SLC8A2: variants seen among roughly 807,000 people sequenced by gnomAD.
SLC8A2 encodes the protein sodium/calcium exchanger 2.
SLC8A2 carries 14 observed loss-of-function variants against 70.2 expected under a neutral mutation model. That is an observed-to-expected ratio of 0.20 (90% CI 0.13 to 0.31). The LOEUF (loss-of-function observed/expected upper bound fraction) is 0.31, where lower values mean the gene tolerates loss of function less well. SLC8A2 is among the 10% of genes least tolerant of loss of function. The probability of loss-of-function intolerance (pLI) is 1.00; values close to 1 mark genes in which losing one functional copy is unlikely to be tolerated. For missense variants in SLC8A2, 779 were observed against 1,320.1 expected, an observed-to-expected ratio of 0.59 and a Z score of 6.35; for synonymous variants, 575 against 594.3, an observed-to-expected ratio of 0.97 and a Z score of 0.47.
rs922586407 is a variant in SLC8A2, at chr19:47,471,521, G to T, written c.-17+268C>A. Among the ~76,000 whole-genome samples, 51 of 151,848 alleles carry T rather than the reference G, an allele frequency of 3.4e-4. 1 individual carries two copies. Among genetic ancestry groups the T allele is most frequent in the African/African-American group, 1.2e-3 (49 of 41,386 alleles). The stretch of plus-strand genomic sequence containing the variant: ...GAGCGCGAGGGGGGGTGCCCCAGAC[G>T]GGGTGGGGGCGGGGTGTCCTCGCCC... On this transcript the variant is annotated intron_variant, in intron 1 of 9. Coordinates refer to ENST00000236877, the MANE Select transcript of SLC8A2 (RefSeq NM_015063.3).
At chr19:47,434,362 G>A (rs935596324) in intron 8 of SLC8A2, among the ~76,000 whole-genome samples, 1 of 152,176 alleles carries the variant, frequency 6.6e-6, no homozygotes, top group Admixed American at 6.5e-5. Context: ...AGGGAGGCTC[G>A]TGGTTATGCC....
At chr19:47,460,516 G>A (rs1967380796) in intron 2 of SLC8A2, among the ~76,000 whole-genome samples, 2 of 151,900 alleles carry the variant, frequency 1.3e-5, no homozygotes, top group Admixed American at 1.3e-4. Context: ...TGGCCAACAT[G>A]GTGAAACCCC....
intron 4 of SLC8A2, 106 bp from the exon 5 acceptor site, chr19:47,441,546 T>C (rs1324089726): frequency 3.1e-6 from 2 of 650,632 alleles, no homozygotes; most frequent in Non-Finnish European, 2.8e-6. Context: ...GCACCTCCTC[T>C]GTCCCAGACT....
At chr19:47,433,420 G>A (rs1286971834) in intron 8 of SLC8A2, among the ~76,000 whole-genome samples, 1 of 152,196 alleles carries the variant, frequency 6.6e-6, no homozygotes. Context: ...CCTTGCAGTT[G>A]GCAGTTGCCA....
chr19:47,469,588 C>A (rs1210946389), intron 1 of SLC8A2, among the ~76,000 whole-genome samples: 2 of 152,172 alleles, frequency 1.3e-5, no homozygotes, highest in African/African-American at 4.8e-5. Flanking sequence ...CCTGGTTTCT[C>A]GCTGGGGCCT....
In SLC8A2 at chr19:47,430,570, G is replaced by C. The variant is rs1966944662; in HGVS notation, c.2390-105C>G. 2 of 1,247,944 alleles carry C rather than the reference G, an allele frequency of 1.6e-6. No homozygotes were observed. The highest frequency in any genetic ancestry group is 2.2e-6 in the Non-Finnish European group (2 of 924,990). The allele number at this position is 1,247,944 out of a possible 1,614,324, so 77.3% of individuals were successfully genotyped here. On this transcript the variant is annotated intron_variant, in intron 9 of 9. Coordinates refer to ENST00000236877, the MANE Select transcript of SLC8A2 (RefSeq NM_015063.3). This position sits in a 1 kb window ranked among gnomAD's most constrained non-coding sequence, Gnocchi z 5.9. ...CCTTTCCCGGTCGCCTGCTTTCTGCGGGCAGTGTGGGCTCAAGACCCCTGA... is the reference window on the plus strand; with the variant it reads ...CCTTTCCCGGTCGCCTGCTTTCTGCCGGCAGTGTGGGCTCAAGACCCCTGA...
chr19:47,452,406 G>T (rs1325819414), intron 3 of SLC8A2, among the ~76,000 whole-genome samples: 2 of 53,740 alleles, frequency 3.7e-5, no homozygotes, highest in African/African-American at 1.4e-4. Context: ...TGGAGAGAGA[G>T]AGAGAGAGAG....
chr19:47,441,223 G>A (rs752644118), intron 5 of SLC8A2, 37 bp from the exon 6 acceptor site: 1 of 1,613,328 alleles, frequency 6.2e-7, no homozygotes, highest in Admixed American at 1.7e-5. Context: ...AGTGAGATCA[G>A]TTCCCCACGA....
rs1272787372 is a variant in SLC8A2 at position 47,456,910 on chromosome 19, C to T, written c.1340+20G>A. The T allele has an allele frequency of 6.4e-6, 10 of 1,569,810 alleles. No homozygotes were observed. The highest frequency in any genetic ancestry group is 8.6e-6 in the Non-Finnish European group (10 of 1,160,088). On this transcript the variant is annotated intron_variant, in intron 3 of 9. Transcript: ENST00000236877. ...GGCCTGCGCCAGCCCCCTGCACACC[C>T]CCCACCCCGGGGGACCCACCTGTAC...
intron 1 of SLC8A2, among the ~76,000 whole-genome samples, chr19:47,470,171 T>G (rs2122658422): frequency 6.6e-6 from 1 of 152,242 alleles, no homozygotes; most frequent in East Asian, 1.9e-4. Flanking sequence ...TGGTCCAGTG[T>G]GGGGATCACA....
chr19:47,447,722 G>A lies in SLC8A2; in HGVS notation c.1763+87C>T. On this transcript the variant is annotated intron_variant, in intron 4 of 9. Transcript: ENST00000236877. This position sits in a 1 kb window ranked among gnomAD's most constrained non-coding sequence, Gnocchi z 5.1. The stretch of plus-strand genomic sequence containing the variant: ...AAGACCCGCCCACTATGTGGGCATG[G>A]CTCACCCAGGCCCCGCCCCTGAGCC... The A allele has an allele frequency of 1.5e-6, 2 of 1,351,892 alleles. No individual in the cohort carries two copies. Among genetic ancestry groups the A allele is most frequent in the Non-Finnish European group, 1.9e-6 (2 of 1,028,854 alleles). 83.7% of individuals were successfully genotyped at this position (1,351,892 alleles called of 1,614,324 possible).
At chr19:47,437,228 T>C (rs1967041141) in intron 8 of SLC8A2, among the ~76,000 whole-genome samples, 1 of 152,038 alleles carries the variant, frequency 6.6e-6, no homozygotes, top group Non-Finnish European at 1.5e-5. Context: ...GACAGCGTCT[T>C]GCTCTGTTGC....
intron 3 of SLC8A2, among the ~76,000 whole-genome samples, chr19:47,452,442 GA>G (rs1967253800): frequency 6.2e-5 from 4 of 64,132 alleles, no homozygotes; most frequent in Admixed American, 4.0e-4. Flanking sequence ...GAGAGAGAGA[GA>G]GAGTGTGTGT....
intron 6 of SLC8A2, among the ~76,000 whole-genome samples, chr19:47,439,784 C>T (rs1967078328): frequency 6.6e-6 from 1 of 152,044 alleles, no homozygotes; most frequent in African/African-American, 2.4e-5. Flanking sequence ...CTGCCTTAGG[C>T]TCCTGAGTAG....
rs1200837570 is a variant in SLC8A2 at position 47,447,960 on chromosome 19, T to G, written c.1612A>C (p.Met538Leu). The change falls in exon 4 of 10, where the codon ATG becomes CTG. Residue 538 changes from methionine to leucine, a missense_variant. Met to Leu is a conservative substitution (Grantham distance 15). Transcript: ENST00000236877. This position sits in a 1 kb window ranked among gnomAD's most constrained non-coding sequence, Gnocchi z 5.1. The stretch of plus-strand genomic sequence containing the variant: ...ACGACGCGCACGTCCACGGTGCCCA[T>G]GCACTCGCTCACGTGCAGCAGGCGG... ...QDRLLHVSEC[M>L]GTVDVRVVRS... is the part of the protein sequence containing the mutation. The G allele has an allele frequency of 1.3e-6, 2 of 1,561,572 alleles. No homozygotes were observed. The highest frequency in any genetic ancestry group is 1.7e-6 in the Non-Finnish European group (2 of 1,153,016).
At position 47,429,772 on chromosome 19, in the gene SLC8A2, T is replaced by TG; in HGVS notation, c.*316_*317insC. On this transcript the variant is annotated 3_prime_UTR_variant, in exon 10 of 10. Transcript: ENST00000236877. ...AGAGACCTTAAACTCCCCAGGATGG[T>TG]TACTGGGGGTGGTTCCCTGGGGAGG... The TG allele has an allele frequency of 2.4e-6, 1 of 410,796 alleles. No individual in the cohort carries two copies. The highest frequency in any genetic ancestry group is 3.1e-5 in the South Asian group (1 of 31,966). The allele number at this position is 410,796 out of a possible 1,614,324, so 25.4% of individuals were successfully genotyped here. A position where few individuals can be genotyped will look rare whatever the true frequency, so the allele number is the denominator to read the frequency against.
rs1437380344 is a variant in SLC8A2 at position 47,435,319 on chromosome 19, C to T, written c.2110+2143G>A. On this transcript the variant is annotated intron_variant, in intron 8 of 9. Transcript: ENST00000236877. ...TTCTTCCTCCACCCCGATCTAATCA[C>T]CTGATCTAACCACCTGGTTTCTATA... Among the ~76,000 whole-genome samples, 4 of 152,120 alleles carry T rather than the reference C, an allele frequency of 2.6e-5. No homozygotes were observed. The East Asian group carries it at 7.7e-4, about 29-fold the overall frequency.
chr19:47,432,122 G>C lies in SLC8A2; in HGVS notation c.2389+45C>G. On this transcript the variant is annotated intron_variant, in intron 9 of 9. Transcript: ENST00000236877. The surrounding 1 kb of genome is among the most constrained non-coding windows in gnomAD (Gnocchi z 6.2). ...GCAGGATCCTGTGTTGCCCCTGCCT[G>C]GCTCATCTGAGATCCTACCCCACCA... The C allele has an allele frequency of 6.5e-7, 1 of 1,539,350 alleles. No individual in the cohort carries two copies.
Position 47,447,256 on chromosome 19 carries a change from C to A in SLC8A2, c.1763+553G>T, listed in dbSNP as rs954448927. On this transcript the variant is annotated intron_variant, in intron 4 of 9. Coordinates refer to ENST00000236877, the MANE Select transcript of SLC8A2 (RefSeq NM_015063.3). This position sits in a 1 kb window ranked among gnomAD's most constrained non-coding sequence, Gnocchi z 5.1. ...ACCCCACCTATCGCCCTGGACCCGC[C>A]CCCTCTCCACAGCCACCGACAGCGT... Among the ~76,000 whole-genome samples, 1 of 151,894 alleles carries A rather than the reference C, an allele frequency of 6.6e-6. No homozygotes were observed. Among genetic ancestry groups the A allele is most frequent in the Non-Finnish European group, 1.5e-5 (1 of 67,980 alleles).
Sources: allele counts gnomAD v4.1 joint callset (sites outside exome capture counted in the v4.1 genomes callset), GRCh38; gene constraint gnomAD v4.1.1; non-coding constraint Gnocchi (gnomAD v3.1); transcripts MANE v1.5; gene names NCBI Gene and HGNC (gene_info 2026-07-23, HGNC 2026-07-21).